PLEKHG1: variants seen among roughly 807,000 people sequenced by gnomAD.
PLEKHG1 encodes pleckstrin homology and RhoGEF domain containing G1.
In PLEKHG1, 44 loss-of-function variants were observed where a neutral mutation model predicts 100.8. That is an observed-to-expected ratio of 0.44 (90% confidence interval 0.34 to 0.56). PLEKHG1 has a LOEUF of 0.56. Among genes scored for constraint, PLEKHG1 ranks in the 20% least tolerant of loss-of-function variants. The pLI, the probability that PLEKHG1 is intolerant of heterozygous loss-of-function variation, is 0.01. For synonymous variants in PLEKHG1, 640 were observed against 662.5 expected (o/e 0.97, Z 0.52); for missense variants, 1,545 against 1,720.9 (o/e 0.90, Z 1.81).
chr6:150,612,785 C>T (rs1776907653), intron 1 of PLEKHG1, among the ~76,000 whole-genome samples: 1 of 152,170 alleles, frequency 6.6e-6, no homozygotes. Flanking sequence ...ACCTCATAGG[C>T]TTTACCTCCA....
chr6:150,678,077 T>TGC (rs1779820062), intron 3 of PLEKHG1, among the ~76,000 whole-genome samples: 1 of 136,420 alleles, frequency 7.3e-6, no homozygotes, highest in African/African-American at 2.7e-5. Context: ...TATATATATA[T>TGC]ATATATATAT....
At chr6:150,816,727 G>A (rs1347594069) in intron 10 of PLEKHG1, among the ~76,000 whole-genome samples, 2 of 152,144 alleles carry the variant, frequency 1.3e-5, no homozygotes, top group Non-Finnish European at 2.9e-5. Context: ...ATTGCTCCTT[G>A]ACACTCACTG....
exon 16 of PLEKHG1, chr6:150,840,808 T>C: frequency 6.2e-7 from 1 of 1,614,148 alleles, no homozygotes; most frequent in Non-Finnish European, 8.5e-7. Context: ...AATGACTATC[T>C]TTGGAGGGGG....
chr6:150,619,020 C>T (rs576610653), intron 1 of PLEKHG1, among the ~76,000 whole-genome samples: 4 of 152,224 alleles, frequency 2.6e-5, no homozygotes, highest in African/African-American at 9.6e-5. Context: ...GAAGTCAAGG[C>T]TGTGGTTAGC....
At chr6:150,750,735 C>T (rs546393689) in intron 2 of PLEKHG1, among the ~76,000 whole-genome samples, 4 of 138,494 alleles carry the variant, frequency 2.9e-5, no homozygotes, top group Non-Finnish European at 6.1e-5. Flanking sequence ...GAGCCGAGAT[C>T]CCGCCACTGC....
exon 9 of PLEKHG1, chr6:150,809,407 G>A: frequency 6.2e-7 from 1 of 1,613,844 alleles, no homozygotes; most frequent in Non-Finnish European, 8.5e-7. Context: ...TTGTGGAGGT[G>A]ATTCCAAAAG....
At chr6:150,705,160 C>G (rs1780952384) in intron 3 of PLEKHG1, among the ~76,000 whole-genome samples, 1 of 152,154 alleles carries the variant, frequency 6.6e-6, no homozygotes, top group Non-Finnish European at 1.5e-5. Context: ...TACTAACAAT[C>G]ACCAGTTTTT....
intron 2 of PLEKHG1, among the ~76,000 whole-genome samples, chr6:150,641,281 T>C (rs536790917): frequency 6.6e-6 from 1 of 152,298 alleles, no homozygotes; most frequent in Non-Finnish European, 1.5e-5. Flanking sequence ...GCAAGATAGA[T>C]TGACGAAAAC....
chr6:150,755,457 A>G (rs1184661438), intron 2 of PLEKHG1, among the ~76,000 whole-genome samples: 1 of 152,154 alleles, frequency 6.6e-6, no homozygotes, highest in Non-Finnish European at 1.5e-5. Flanking sequence ...TATAGAGTTC[A>G]TTTACTTTTG....
intron 10 of PLEKHG1, among the ~76,000 whole-genome samples, chr6:150,810,869 C>G (rs1001421959): frequency 2.0e-5 from 3 of 151,394 alleles, no homozygotes; most frequent in Non-Finnish European, 2.9e-5. Flanking sequence ...TGCAGTAAGC[C>G]GAGATCGTGC....
At chr6:150,801,850 G>GA (rs35330233) in intron 6 of PLEKHG1, among the ~76,000 whole-genome samples, 20,848 of 152,140 alleles carry the variant, frequency 0.14, 2,901 homozygotes, top group African/African-American at 0.35. Flanking sequence ...TGTAGCAGGA[G>GA]AAAGACAGTA....
intron 3 of PLEKHG1, among the ~76,000 whole-genome samples, chr6:150,676,514 A>C (rs1174900603): frequency 1.3e-5 from 2 of 152,174 alleles, no homozygotes; most frequent in Non-Finnish European, 2.9e-5. Flanking sequence ...AGTATATAAT[A>C]AGGATGATGA....
chr6:150,660,135 C>A (rs1779131347), intron 3 of PLEKHG1, among the ~76,000 whole-genome samples: 2 of 151,614 alleles, frequency 1.3e-5, no homozygotes, highest in Non-Finnish European at 2.9e-5. Flanking sequence ...GTCTTGAACT[C>A]CTGGCCTCAA....
At chr6:150,650,406 T>G (rs1369758016) in intron 2 of PLEKHG1, among the ~76,000 whole-genome samples, 1 of 152,236 alleles carries the variant, frequency 6.6e-6, no homozygotes, top group Non-Finnish European at 1.5e-5. Flanking sequence ...CTATTGTATG[T>G]TCAAGTCTCC....
chr6:150,617,977 T>C (rs941381020), intron 1 of PLEKHG1, among the ~76,000 whole-genome samples: 3 of 152,218 alleles, frequency 2.0e-5, no homozygotes, highest in Admixed American at 2.0e-4. Flanking sequence ...AGACTCAGCA[T>C]GCGTGTGAGT....
intron 3 of PLEKHG1, among the ~76,000 whole-genome samples, chr6:150,667,038 G>A (rs934095907): frequency 2.6e-5 from 4 of 152,108 alleles, no homozygotes; most frequent in Middle Eastern, 3.2e-3. Context: ...GATTACAGGC[G>A]TGAGCCACTG....
chr6:150,610,626 A>G (rs766812947), intron 1 of PLEKHG1, among the ~76,000 whole-genome samples: 7 of 152,144 alleles, frequency 4.6e-5, no homozygotes, highest in African/African-American at 1.7e-4. Context: ...AAGAGGAAGG[A>G]AAAAAAAGAG....
At chr6:150,743,986 G>C (rs2128624246) in intron 2 of PLEKHG1, among the ~76,000 whole-genome samples, 1 of 152,290 alleles carries the variant, frequency 6.6e-6, no homozygotes, top group African/African-American at 2.4e-5. Context: ...GAAGCTGAAG[G>C]TTCATTGTCA....
At chr6:150,778,213 C>T (rs528082024) in intron 3 of PLEKHG1, among the ~76,000 whole-genome samples, 17 of 152,204 alleles carry the variant, frequency 1.1e-4, no homozygotes, top group South Asian at 2.1e-4. Flanking sequence ...GTGTATCCTC[C>T]GCCTCCCAGG....
Sources: allele counts gnomAD v4.1 joint callset (sites outside exome capture counted in the v4.1 genomes callset), GRCh38; gene constraint gnomAD v4.1.1; transcripts MANE v1.5; gene names NCBI Gene and HGNC (gene_info 2026-07-23, HGNC 2026-07-21).